The following TEX264 variants were observed in gnomAD, a reference collection of about 807,000 sequenced individuals.
TEX264 encodes testis expressed 264, ER-phagy receptor, also known as testis-expressed protein 264.
TEX264 carries 13 observed loss-of-function variants against 23.4 expected under a neutral mutation model. The ratio of observed to expected loss-of-function variants is 0.56; its 90% CI spans 0.36 to 0.88. The LOEUF (loss-of-function observed/expected upper bound fraction) is 0.88, where lower values mean the gene tolerates loss of function less well. Among genes scored for constraint, TEX264 ranks in the 40% least tolerant of loss-of-function variants. The pLI, the probability that TEX264 is intolerant of heterozygous loss-of-function variation, is 0.01. For synonymous variants in TEX264, 159 were observed against 170.0 expected (o/e 0.94, Z 0.50); for missense variants, 340 against 406.8 (o/e 0.84, Z 1.41).
Position 51,704,170 on chromosome 3 carries a change from T to G in TEX264, c.*154T>G, listed in dbSNP as rs1703439663. On this transcript the variant is annotated 3_prime_UTR_variant, in exon 5 of 5. Coordinates refer to ENST00000341333, the MANE Select transcript of TEX264 (RefSeq NM_015926.6). ...CCAGGCCTCTTGCTAAGCCTTCTCC[T>G]CACTGCCCTTTAGGCTCCCAGGGCC... is the stretch of plus-strand genomic sequence containing the variant. The G allele has an allele frequency of 1.5e-6, 1 of 655,520 alleles. No homozygotes were observed. Among genetic ancestry groups the G allele is most frequent in the Non-Finnish European group, 2.2e-6 (1 of 454,372 alleles). 40.6% of individuals were successfully genotyped at this position (655,520 alleles called of 1,614,324 possible). A position where few individuals can be genotyped will look rare whatever the true frequency, so the allele number is the denominator to read the frequency against.
At chr3:51,690,819 T>TC (rs1003947406) in intron 3 of TEX264, among the ~76,000 whole-genome samples, 3 of 152,086 alleles carry the variant, frequency 2.0e-5, no homozygotes, top group African/African-American at 7.2e-5. Flanking sequence ...AAAGCCAGCA[T>TC]CCCCATTGTT....
chr3:51,677,288 T>G (rs1380359293), intron 2 of TEX264, among the ~76,000 whole-genome samples: 1 of 152,168 alleles, frequency 6.6e-6, no homozygotes, highest in Non-Finnish European at 1.5e-5. Flanking sequence ...GACCTGCCAG[T>G]GTGTGGGTGT....
rs1702628160 is a variant in TEX264 at position 51,686,579 on chromosome 3, G to A, written c.480+1945G>A. ...CACGGTGATAAGGCAAGGGCACAGG[G>A]AGAATAGAGGGGAGTTTCCTTTGTG... On this transcript the variant is annotated intron_variant, in intron 3 of 4. Coordinates refer to ENST00000341333, the MANE Select transcript of TEX264 (RefSeq NM_015926.6). The surrounding 1 kb of genome is among the most constrained non-coding windows in gnomAD (Gnocchi z 4.1). Among the ~76,000 whole-genome samples the A allele has an allele frequency of 6.6e-6, 1 of 152,114 alleles. No individual in the cohort carries two copies. The highest frequency in any genetic ancestry group is 1.5e-5 in the Non-Finnish European group (1 of 68,028).
chr3:51,688,750 C>T (rs1317989630), intron 3 of TEX264, among the ~76,000 whole-genome samples: 1 of 152,056 alleles, frequency 6.6e-6, no homozygotes, highest in African/African-American at 2.4e-5. Flanking sequence ...GAGGGGTCAC[C>T]GAATATAGTG....
At chr3:51,684,231 A>G in intron 2 of TEX264, 182 bp from the exon 3 acceptor site, 1 of 605,510 alleles carries the variant, frequency 1.7e-6, no homozygotes, top group Non-Finnish European at 2.9e-6. Flanking sequence ...ACGATGCCAC[A>G]GGCAGGGGCC....
In TEX264 at chr3:51,686,942, G is replaced by GT. The variant is rs557095719; in HGVS notation, c.480+2311dup. Among the ~76,000 whole-genome samples, 50 of 152,334 alleles carry GT rather than the reference G, an allele frequency of 3.3e-4. No homozygotes were observed. The highest frequency in any genetic ancestry group is 6.8e-4 in the Non-Finnish European group (46 of 68,030). On this transcript the variant is annotated intron_variant, in intron 3 of 4. Coordinates refer to ENST00000341333, the MANE Select transcript of TEX264 (RefSeq NM_015926.6). This position sits in a 1 kb window ranked among gnomAD's most constrained non-coding sequence, Gnocchi z 4.1. ...CCAAAGCCTTTTCCTGGCTTCAGGG[G>GT]TTTATTTTTAGACACCTTTGTCCAA...
chr3:51,676,107 C>G (rs1702216863), intron 2 of TEX264, among the ~76,000 whole-genome samples: 2 of 152,132 alleles, frequency 1.3e-5, no homozygotes, highest in African/African-American at 4.8e-5. Context: ...TGGGATGGGA[C>G]AGACAGTGGG....
rs1412417136 is a variant in TEX264 at position 51,694,061 on chromosome 3, C to G, written c.481-5345C>G. On this transcript the variant is annotated intron_variant, in intron 3 of 4. Transcript: ENST00000341333. ...TTCCTTCCTTCCTCCCTTCCCTTCC[C>G]TTCCCTTCCCCTTCCTTCCGTCCGT... Among the ~76,000 whole-genome samples the G allele has an allele frequency of 1.4e-3, 160 of 118,366 alleles. 4 individuals carry two copies. Among genetic ancestry groups the G allele is most frequent in the African/African-American group, 4.3e-3 (137 of 31,700 alleles). 77.7% of individuals were successfully genotyped at this position (118,366 alleles called of 152,430 possible).
chr3:51,690,187 A>G (rs1702776964), intron 3 of TEX264, among the ~76,000 whole-genome samples: 1 of 152,196 alleles, frequency 6.6e-6, no homozygotes, highest in Non-Finnish European at 1.5e-5. Context: ...GTCTGAGTCC[A>G]CACTGGGGCC....
At chr3:51,687,162 T>TGTGGGCTTGGCCATCAGC (rs1242694343) in intron 3 of TEX264, among the ~76,000 whole-genome samples, 2 of 152,206 alleles carry the variant, frequency 1.3e-5, no homozygotes, top group Non-Finnish European at 2.9e-5. Flanking sequence ...GGCATGCTTG[T>TGTGGGCTTGGCCATCAGC]GTGGGCTTGG....
chr3:51,688,766 G>A (rs192786164), intron 3 of TEX264, among the ~76,000 whole-genome samples: 2 of 152,322 alleles, frequency 1.3e-5, no homozygotes, highest in East Asian at 3.9e-4. Flanking sequence ...TAGTGAGCCT[G>A]TGAGGGGAAC....
intron 2 of TEX264, among the ~76,000 whole-genome samples, chr3:51,676,020 A>G (rs1031914141): frequency 6.6e-6 from 1 of 152,164 alleles, no homozygotes; most frequent in Non-Finnish European, 1.5e-5. Flanking sequence ...GTGAGAGGCG[A>G]CATGGGTTGG....
At chr3:51,701,441 C>T (rs1165785518) in intron 4 of TEX264, among the ~76,000 whole-genome samples, 6 of 151,852 alleles carry the variant, frequency 4.0e-5, no homozygotes, top group Admixed American at 6.6e-5. Context: ...CCTCCCACCT[C>T]AGCCTCCTGA....
rs1374961464 is a variant in TEX264, at chr3:51,691,521, T to C, written c.480+6887T>C. Among the ~76,000 whole-genome samples, 1 of 152,090 alleles carries C rather than the reference T, an allele frequency of 6.6e-6. No homozygotes were observed. Among genetic ancestry groups the C allele is most frequent in the East Asian group, 1.9e-4 (1 of 5,184 alleles). Reference sequence around the variant, plus strand: ...GAAAGGCAAAACAACCCTTGTGCGGTGGTGGCATTTGGGCTGCACCTATAA... The same window carrying C: ...GAAAGGCAAAACAACCCTTGTGCGGCGGTGGCATTTGGGCTGCACCTATAA... On this transcript the variant is annotated intron_variant, in intron 3 of 4. Transcript: ENST00000341333. This position sits in a 1 kb window ranked among gnomAD's most constrained non-coding sequence, Gnocchi z 4.4.
At chr3:51,677,188 C>G (rs183846056) in intron 2 of TEX264, among the ~76,000 whole-genome samples, 4 of 152,326 alleles carry the variant, frequency 2.6e-5, no homozygotes, top group Admixed American at 2.0e-4. Flanking sequence ...AGGCACTGAT[C>G]TCATATGTTT....
intron 1 of TEX264, among the ~76,000 whole-genome samples, chr3:51,673,054 T>C (rs1335116949): frequency 6.6e-6 from 1 of 152,210 alleles, no homozygotes; most frequent in Non-Finnish European, 1.5e-5. Context: ...AAATACTGTG[T>C]GCTCATTGAC....
At chr3:51,700,743 G>T (rs910935238) in intron 4 of TEX264, among the ~76,000 whole-genome samples, 2 of 144,026 alleles carry the variant, frequency 1.4e-5, no homozygotes, top group African/African-American at 5.1e-5. Flanking sequence ...AGGACTGCTT[G>T]GCACCCACTA....
intron 1 of TEX264, chr3:51,672,162 A>G (rs1315436589): frequency 1.3e-5 from 2 of 152,214 alleles, no homozygotes; most frequent in African/African-American, 4.8e-5. Flanking sequence ...TTCCCTGAGG[A>G]CGGTAATCAG....
chr3:51,672,292 G>A (rs531116728), intron 1 of TEX264: 1 of 152,304 alleles, frequency 6.6e-6, no homozygotes, highest in Admixed American at 6.5e-5. Context: ...AAGTGAGCCT[G>A]GCATTTCAGG....
Sources: allele counts gnomAD v4.1 joint callset (sites outside exome capture counted in the v4.1 genomes callset), GRCh38; gene constraint gnomAD v4.1.1; non-coding constraint Gnocchi (gnomAD v3.1); transcripts MANE v1.5; gene names NCBI Gene and HGNC (gene_info 2026-07-23, HGNC 2026-07-21).